The following DERA variants were observed in gnomAD, a reference collection of about 807,000 sequenced individuals.
DERA encodes deoxyribose-phosphate aldolase.
A neutral mutation model predicts 41.1 loss-of-function variants in DERA; 15 were observed. The ratio of observed to expected loss-of-function variants is 0.37; its 90% confidence interval spans 0.24 to 0.56. DERA has a LOEUF of 0.56. DERA is among the 20% of genes least tolerant of loss of function. DERA has a pLI of 0.81. For missense variants in DERA, 396 were observed against 403.4 expected (o/e 0.98, Z 0.16); for synonymous variants, 139 against 137.4 (o/e 1.01, Z -0.08).
intron 1 of DERA, among the ~76,000 whole-genome samples, chr12:15,926,502 C>T (rs192192251): frequency 3.3e-5 from 5 of 151,870 alleles, no homozygotes; most frequent in East Asian, 1.9e-4. Flanking sequence ...TTTGGGAGGC[C>T]GAGGCGGGCG....
rs1948760635 is a variant in DERA, at chr12:15,985,854, A to C, written c.637+3418A>C. Among the ~76,000 whole-genome samples, 1 of 152,178 alleles carries C rather than the reference A, an allele frequency of 6.6e-6. No individual in the cohort carries two copies. The highest frequency in any genetic ancestry group is 2.4e-5 in the African/African-American group (1 of 41,440). The stretch of plus-strand genomic sequence containing the variant: ...AAAGAATGTGTATTTCAGATGTTAG[A>C]GCAAATGTCAGATCGAATTGGTTGA... On this transcript the variant is annotated intron_variant, in intron 6 of 8. Coordinates refer to ENST00000428559, the MANE Select transcript of DERA (RefSeq NM_015954.4). This position sits in a 1 kb window ranked among gnomAD's most constrained non-coding sequence, Gnocchi z 4.2.
intron 1 of DERA, among the ~76,000 whole-genome samples, chr12:15,949,872 C>T (rs10846258): frequency 0.26 from 39,465 of 152,096 alleles, 5,490 homozygotes; most frequent in Admixed American, 0.35. Flanking sequence ...TTAAAAATGC[C>T]GGTTGCCACT....
At chr12:16,033,964 G>A (rs1949110766) in intron 7 of DERA, among the ~76,000 whole-genome samples, 1 of 152,170 alleles carries the variant, frequency 6.6e-6, no homozygotes, top group Non-Finnish European at 1.5e-5. Flanking sequence ...AGTTAAAAGA[G>A]TTTTTGTTTA....
chr12:15,993,706 G>C lies in DERA; in HGVS notation c.637+11270G>C, dbSNP rs758689126. On this transcript the variant is annotated intron_variant, in intron 6 of 8. Transcript: ENST00000428559. This position sits in a 1 kb window ranked among gnomAD's most constrained non-coding sequence, Gnocchi z 4.4. ...TAGGGTGAAAACTAATTAACTTGCT[G>C]TCTCATCCATGGAATAGATTTAAAT... Among the ~76,000 whole-genome samples, 18 of 152,108 alleles carry C rather than the reference G, an allele frequency of 1.2e-4. No homozygotes were observed. Among genetic ancestry groups the C allele is most frequent in the Non-Finnish European group, 1.9e-4 (13 of 68,024 alleles).
intron 1 of DERA, among the ~76,000 whole-genome samples, chr12:15,929,133 C>T (rs1234948523): frequency 1.3e-5 from 2 of 152,210 alleles, no homozygotes; most frequent in Non-Finnish European, 2.9e-5. Flanking sequence ...TCCCAGCAAC[C>T]AGCATCCAGG....
rs145518839 is a variant in DERA at position 15,982,784 on chromosome 12, A to G, written c.637+348A>G. On this transcript the variant is annotated intron_variant, in intron 6 of 8. Coordinates refer to ENST00000428559, the MANE Select transcript of DERA (RefSeq NM_015954.4). The surrounding 1 kb of genome is among the most constrained non-coding windows in gnomAD (Gnocchi z 4.0). ...TTTGACTTACTCCTCTCTGAATTTA[A>G]GCTTTTCATTTATCTCAGAGATATA... Among the ~76,000 whole-genome samples the G allele has an allele frequency of 6.6e-6, 1 of 152,210 alleles. No individual in the cohort carries two copies. Among genetic ancestry groups the G allele is most frequent in the African/African-American group, 2.4e-5 (1 of 41,440 alleles).
Position 15,941,448 on chromosome 12 carries a change from A to G in DERA, c.32-15488A>G, listed in dbSNP as rs73057140. On this transcript the variant is annotated intron_variant, in intron 1 of 8. Coordinates refer to ENST00000428559, the MANE Select transcript of DERA (RefSeq NM_015954.4). This position sits in a 1 kb window ranked among gnomAD's most constrained non-coding sequence, Gnocchi z 4.5. ...TACATGGTTAAGTTCTTTAGTGGTG[A>G]TTTCTGAGATTTTAGTGTACCCATC... 7.3e-3 allele frequency among the ~76,000 whole-genome samples: 1,108 copies of G among 151,948 alleles called. 6 individuals are homozygous for G. Among genetic ancestry groups the G allele is most frequent in the Non-Finnish European group, 0.011 (752 of 67,970 alleles).
rs900790140 is a variant in DERA at position 15,959,190 on chromosome 12, C to T, written c.278-639C>T. On this transcript the variant is annotated intron_variant, in intron 3 of 8. Transcript: ENST00000428559. The surrounding 1 kb of genome is among the most constrained non-coding windows in gnomAD (Gnocchi z 4.5). ...TGAAAAGTATTTATTATGTTTATTT[C>T]GTGTTGGCCATAAAAATATCACCTT... 2.0e-5 allele frequency among the ~76,000 whole-genome samples: 3 copies of T among 152,076 alleles called. No individual in the cohort carries two copies. The highest frequency in any genetic ancestry group is 4.4e-5 in the Non-Finnish European group (3 of 68,004).
chr12:15,932,093 A>C (rs1948332653), intron 1 of DERA, among the ~76,000 whole-genome samples: 1 of 152,232 alleles, frequency 6.6e-6, no homozygotes, highest in African/African-American at 2.4e-5. Flanking sequence ...GCAACACAAA[A>C]TGGACTAAGA....
rs1207604328 is a variant in DERA, at chr12:15,936,943, G to A, written c.32-19993G>A. The stretch of plus-strand genomic sequence containing the variant: ...GTCCTGTCCTGTCCTGTCTTGTCCT[G>A]TCCCGTCCTGTCCTGCCCTGCCCTG... On this transcript the variant is annotated intron_variant, in intron 1 of 8. Transcript: ENST00000428559. The surrounding 1 kb of genome is among the most constrained non-coding windows in gnomAD (Gnocchi z 4.6). Among the ~76,000 whole-genome samples the A allele has an allele frequency of 1.4e-5, 2 of 147,980 alleles. No homozygotes were observed. Among genetic ancestry groups the A allele is most frequent in the Non-Finnish European group, 3.0e-5 (2 of 67,088 alleles).
rs1180344279 is a variant in DERA at position 16,003,890 on chromosome 12, G to A, written c.637+21454G>A. Among the ~76,000 whole-genome samples the A allele has an allele frequency of 6.6e-6, 1 of 152,194 alleles. No individual in the cohort carries two copies. The highest frequency in any genetic ancestry group is 1.5e-5 in the Non-Finnish European group (1 of 68,040). On this transcript the variant is annotated intron_variant, in intron 6 of 8. Coordinates refer to ENST00000428559, the MANE Select transcript of DERA (RefSeq NM_015954.4). The surrounding 1 kb of genome is among the most constrained non-coding windows in gnomAD (Gnocchi z 4.8). ...GGAAGTTCATCCCAACCTGGAAGAG[G>A]AGAGAGGTGTTCTGGGTTGTAGAGC...
intron 4 of DERA, 54 bp from the exon 5 acceptor site, chr12:15,962,759 C>CT: frequency 6.9e-7 from 1 of 1,459,804 alleles, no homozygotes; most frequent in Non-Finnish European, 9.2e-7. Context: ...CCCTTGCTTA[C>CT]TTTCTTTCTT....
intron 1 of DERA, among the ~76,000 whole-genome samples, chr12:15,914,900 C>T (rs887601470): frequency 8.5e-5 from 13 of 152,086 alleles, no homozygotes; most frequent in Non-Finnish European, 1.6e-4. Context: ...CTCAGCCTCC[C>T]GAGTAGCTGA....
chr12:16,007,606 G>A (rs1219628301), intron 6 of DERA, among the ~76,000 whole-genome samples: 1 of 152,150 alleles, frequency 6.6e-6, no homozygotes, highest in Admixed American at 6.5e-5. Flanking sequence ...TAGCTGTATG[G>A]TCAATATAAT....
intron 1 of DERA, among the ~76,000 whole-genome samples, chr12:15,929,229 T>C (rs1401943336): frequency 1.3e-5 from 2 of 152,212 alleles, no homozygotes; most frequent in African/African-American, 2.4e-5. Context: ...TGGGGTACTT[T>C]AAAGTTTTTG....
chr12:15,958,383 T>A (rs764770929), intron 3 of DERA, 48 bp downstream of exon 3: 21 of 1,456,686 alleles, frequency 1.4e-5, no homozygotes, highest in Non-Finnish European at 1.8e-5. Context: ...CTTACAATAC[T>A]GATTACTAAA....
chr12:15,944,629 GC>G (rs1948433264), intron 1 of DERA, among the ~76,000 whole-genome samples: 1 of 152,104 alleles, frequency 6.6e-6, no homozygotes, highest in East Asian at 1.9e-4. Context: ...CTGGATATTA[GC>G]CCTTTGTCAA....
At position 15,936,959 on chromosome 12, in the gene DERA, C is replaced by CCTGTCCTGTCCCGTCCCGT. The variant is rs1565588788; in HGVS notation, c.32-19976_32-19975insTGTCCTGTCCCGTCCCGTC. 2.1e-5 allele frequency among the ~76,000 whole-genome samples: 3 copies of CCTGTCCTGTCCCGTCCCGT among 139,770 alleles called. No homozygotes were observed. Among genetic ancestry groups the CCTGTCCTGTCCCGTCCCGT allele is most frequent in the African/African-American group, 9.0e-5 (3 of 33,452 alleles). The allele number at this position is 139,770 out of a possible 152,430, so 91.7% of individuals were successfully genotyped here. On this transcript the variant is annotated intron_variant, in intron 1 of 8. Transcript: ENST00000428559. This position sits in a 1 kb window ranked among gnomAD's most constrained non-coding sequence, Gnocchi z 4.6. ...TCTTGTCCTGTCCCGTCCTGTCCTG[C>CCTGTCCTGTCCCGTCCCGT]CCTGCCCTGCCCTGTCTTGTCTTTC... is the stretch of plus-strand genomic sequence containing the variant.
chr12:15,961,842 C>CAA (rs1948590351), intron 4 of DERA, among the ~76,000 whole-genome samples: 1 of 152,194 alleles, frequency 6.6e-6, no homozygotes, highest in South Asian at 2.1e-4. Context: ...CTCCTGAGTT[C>CAA]AAGCAGTTCT....
Sources: allele counts gnomAD v4.1 joint callset (sites outside exome capture counted in the v4.1 genomes callset), GRCh38; gene constraint gnomAD v4.1.1; non-coding constraint Gnocchi (gnomAD v3.1); transcripts MANE v1.5; gene names NCBI Gene and HGNC (gene_info 2026-07-23, HGNC 2026-07-21).